NR6A1: variants seen among roughly 807,000 people sequenced by gnomAD.
The protein encoded by NR6A1 is retinoic acid receptor-related testis-associated receptor.
A neutral mutation model predicts 59.1 loss-of-function variants in NR6A1; 7 were observed. The observed-to-expected ratio is 0.12, with a 90% CI of 0.07 to 0.22. The LOEUF (loss-of-function observed/expected upper bound fraction) is 0.22, where lower values mean the gene tolerates loss of function less well. Among genes scored for constraint, NR6A1 ranks in the 10% least tolerant of loss-of-function variants. The pLI is 1.00. For synonymous variants in NR6A1, 243 were observed against 236.1 expected, an observed-to-expected ratio of 1.03 and a Z score of -0.27; for missense variants, 468 against 611.6, an observed-to-expected ratio of 0.77 and a Z score of 2.48.
At chr9:124,685,360 C>T (rs149087561) in intron 2 of NR6A1, among the ~76,000 whole-genome samples, 4 of 152,282 alleles carry the variant, frequency 2.6e-5, no homozygotes, top group East Asian at 1.9e-4. Context: ...GGTCTCACTC[C>T]GTCGCCCAGG....
intron 2 of NR6A1, among the ~76,000 whole-genome samples, chr9:124,602,195 C>T (rs1200910786): frequency 6.6e-6 from 1 of 152,046 alleles, no homozygotes; most frequent in Non-Finnish European, 1.5e-5. Context: ...TTAAAGTATC[C>T]CAATCAAGAA....
intron 2 of NR6A1, among the ~76,000 whole-genome samples, chr9:124,607,619 G>T (rs1041607089): frequency 6.6e-6 from 1 of 152,080 alleles, no homozygotes; most frequent in Non-Finnish European, 1.5e-5. Context: ...TAGGTTGTTA[G>T]CATTACCTAC....
At chr9:124,728,193 A>T (rs1191300843) in intron 2 of NR6A1, among the ~76,000 whole-genome samples, 4 of 141,890 alleles carry the variant, frequency 2.8e-5, no homozygotes, top group Admixed American at 2.8e-4. Context: ...CACCTGGCTA[A>T]TTTTTTTTTG....
At chr9:124,749,779 C>T (rs367952560) in intron 1 of NR6A1, among the ~76,000 whole-genome samples, 1 of 152,314 alleles carries the variant, frequency 6.6e-6, no homozygotes, top group East Asian at 1.9e-4. Context: ...CACACTCTTA[C>T]ATAACGCATG....
intron 4 of NR6A1, among the ~76,000 whole-genome samples, chr9:124,541,871 C>T (rs1176834348): frequency 6.6e-6 from 1 of 152,060 alleles, no homozygotes; most frequent in Non-Finnish European, 1.5e-5. Context: ...TAAGCTATAC[C>T]AAGGGGGAAC....
chr9:124,771,081 G>T lies in NR6A1; in HGVS notation c.39C>A (p.Gly13=). 8.1e-7 allele frequency: 1 copy of T among 1,230,272 alleles called. No individual in the cohort carries two copies. The highest frequency in any genetic ancestry group is 1.0e-6 in the Non-Finnish European group (1 of 986,860). 76.2% of individuals were successfully genotyped at this position (1,230,272 alleles called of 1,614,324 possible). A position where few individuals can be genotyped will look rare whatever the true frequency, so the allele number is the denominator to read the frequency against. Residue 13 remains glycine, a synonymous_variant, in exon 1 of 10, where the codon GGC becomes GGA. Transcript: ENST00000487099. The part of the protein sequence containing the change: ...RDEPPPSGGG[G]GGGSAGFLEP... ...CCAGGAACCCCGCCGAGCCCCCGCC[G>T]CCTCCCCCTCCGCTAGGCGGCGGTT...
intron 2 of NR6A1, among the ~76,000 whole-genome samples, chr9:124,643,102 G>C (rs556888737): frequency 3.0e-4 from 36 of 121,426 alleles, no homozygotes; most frequent in East Asian, 7.7e-4. Context: ...GCCCTCGGGT[G>C]GGGGGGGGGA....
At chr9:124,718,448 C>T (rs1408740590) in intron 2 of NR6A1, among the ~76,000 whole-genome samples, 1 of 152,138 alleles carries the variant, frequency 6.6e-6, no homozygotes, top group Non-Finnish European at 1.5e-5. Context: ...CTCTGATTCC[C>T]CCTTCCTTAG....
intron 2 of NR6A1, among the ~76,000 whole-genome samples, chr9:124,612,793 T>TTTCTTTC (rs1835788778): frequency 1.4e-5 from 2 of 145,464 alleles, no homozygotes; most frequent in African/African-American, 4.9e-5. Context: ...TCTTTCTTTC[T>TTTCTTTC]TTTCTTTCTT....
chr9:124,697,754 T>C (rs1838815581), intron 2 of NR6A1, among the ~76,000 whole-genome samples: 1 of 152,006 alleles, frequency 6.6e-6, no homozygotes, highest in African/African-American at 2.4e-5. Flanking sequence ...AATAGATTTC[T>C]GGAAAGGTAG....
intron 2 of NR6A1, among the ~76,000 whole-genome samples, chr9:124,717,524 T>C (rs1050152935): frequency 1.3e-5 from 2 of 152,122 alleles, no homozygotes; most frequent in African/African-American, 4.8e-5. Flanking sequence ...AACTAATCTA[T>C]CATGATGGAA....
Position 124,540,036 on chromosome 9 carries a change from G to T in NR6A1, c.593C>A (p.Ser198Tyr), listed in dbSNP as rs1172234891. ...NQPSPGSTLS[S>Y]SRSVELNGFM... The stretch of plus-strand genomic sequence containing the variant: ...ATGGGTTTGCCTTAAAGCTCACCTG[G>T]AAGACAGTGTGGAGCCTGGTGAGGG... The change falls in exon 5 of 10, where the codon TCC (serine) becomes TAC (tyrosine). Residue 198 changes from serine to tyrosine, a missense_variant. This residue lies in a region of NR6A1 where 151 missense variants were observed against 142.8 expected (regional missense o/e 1.06). Coordinates refer to ENST00000487099, the MANE Select transcript of NR6A1 (RefSeq NM_033334.4). 2 of 1,591,656 alleles carry T rather than the reference G, an allele frequency of 1.3e-6. No homozygotes were observed. The highest frequency in any genetic ancestry group is 1.4e-5 in the African/African-American group (1 of 69,022).
rs1473908378 is a variant in NR6A1, at chr9:124,543,798, T to G, written c.441+4A>C. ...GACCACAGAGACTGAGGTCTAGAAC[T>G]CACCTGGACTGGCCCAATGCTCTTA... On this transcript the variant is annotated splice_donor_region_variant and intron_variant, in intron 4 of 9. Coordinates refer to ENST00000487099, the MANE Select transcript of NR6A1 (RefSeq NM_033334.4). 2 of 1,611,742 alleles carry G rather than the reference T, an allele frequency of 1.2e-6. No individual in the cohort carries two copies.
intron 2 of NR6A1, chr9:124,598,647 TAAA>T (rs34357133): frequency 2.4e-3 from 378 of 160,846 alleles, no homozygotes; most frequent in Non-Finnish European, 2.8e-3. Context: ...AGAGTAAAAT[TAAA>T]AAAAAAAAAA....
At chr9:124,649,462 G>A (rs906362882) in intron 2 of NR6A1, among the ~76,000 whole-genome samples, 1 of 152,032 alleles carries the variant, frequency 6.6e-6, no homozygotes, top group Non-Finnish European at 1.5e-5. Context: ...AAATCAAAAT[G>A]GGTTGAAGAC....
At chr9:124,623,201 T>C (rs887936484) in intron 2 of NR6A1, among the ~76,000 whole-genome samples, 2 of 152,004 alleles carry the variant, frequency 1.3e-5, no homozygotes, top group Non-Finnish European at 2.9e-5. Flanking sequence ...AGGGATATGA[T>C]GGCAAGGTGT....
chr9:124,578,176 T>C (rs1834660243), intron 2 of NR6A1, among the ~76,000 whole-genome samples: 1 of 152,154 alleles, frequency 6.6e-6, no homozygotes, highest in Non-Finnish European at 1.5e-5. Flanking sequence ...CTGGGGTTAG[T>C]CCATGGACCT....
rs549186117 is a variant in NR6A1, at chr9:124,592,724, C to A, written c.143-38154G>T. Among the ~76,000 whole-genome samples the A allele has an allele frequency of 2.6e-5, 4 of 152,310 alleles. No individual in the cohort carries two copies. The East Asian group carries it at 5.8e-4, about 22-fold the overall frequency. ...GTCTGTCTGCAAGCCACATTATGGA[C>A]CCCCAGTTCATTTATGCATTTATTC... On this transcript the variant is annotated intron_variant, in intron 2 of 9. Transcript: ENST00000487099.
At chr9:124,533,306 A>G (rs1273890376) in intron 7 of NR6A1, among the ~76,000 whole-genome samples, 1 of 152,230 alleles carries the variant, frequency 6.6e-6, no homozygotes, top group East Asian at 1.9e-4. Context: ...GAAACAATGA[A>G]TTAGAGTCTC....
Sources: gnomAD v4.1 joint callset for allele counts (sites outside exome capture counted in the v4.1 genomes callset) on GRCh38, gnomAD v4.1.1 for gene constraint, gnomAD v4.1.1 regional missense constraint, MANE v1.5 for transcripts, NCBI Gene and HGNC (gene_info 2026-07-23, HGNC 2026-07-21) for gene names.